Variants in RAD21L1 observed in about 807,000 individuals in gnomAD.
The protein encoded by RAD21L1 is RAD21 cohesin complex component like 1.
In RAD21L1, 47 loss-of-function variants were observed where a neutral mutation model predicts 69.0. That is an observed-to-expected ratio of 0.68 (90% confidence interval 0.54 to 0.87). RAD21L1 has a LOEUF of 0.87. Ranked by LOEUF, RAD21L1 falls within the 40% of genes least tolerant of loss-of-function variation. The pLI is 0.00. For synonymous variants in RAD21L1, 177 were observed against 205.8 expected (o/e 0.86, Z 1.20); for missense variants, 583 against 647.6 (o/e 0.90, Z 1.08).
At chr20:1,240,680 G>A (rs1420050990) in intron 8 of RAD21L1, among the ~76,000 whole-genome samples, 2 of 152,084 alleles carry the variant, frequency 1.3e-5, no homozygotes, top group South Asian at 2.1e-4. Flanking sequence ...AGGTGGGTGG[G>A]GGGAGCTTTC....
chr20:1,237,101 A>G (rs2087510293), intron 5 of RAD21L1, among the ~76,000 whole-genome samples: 1 of 152,266 alleles, frequency 6.6e-6, no homozygotes, highest in Non-Finnish European at 1.5e-5. Flanking sequence ...GGTCTATAGA[A>G]GAATTTTCAA....
chr20:1,231,563 T>G lies in RAD21L1; in HGVS notation c.312T>G (p.Ser104=). ...VDLPKENFEA[S]YNAITLPEEF... is the part of the protein sequence containing the mutation. ...TTCCAAAAGAGAATTTTGAAGCATCTTACAATGCTATCACATTGCCAGAAG... is the reference window on the plus strand; with the variant it reads ...TTCCAAAAGAGAATTTTGAAGCATCGTACAATGCTATCACATTGCCAGAAG... The change falls in exon 4 of 14, where the codon TCT becomes TCG. Residue 104 remains serine, a synonymous_variant. Coordinates refer to ENST00000683101, the MANE Select transcript of RAD21L1 (RefSeq NM_001384355.1). 2 of 1,541,528 alleles carry G rather than the reference T, an allele frequency of 1.3e-6. No homozygotes were observed. The highest frequency in any genetic ancestry group is 1.8e-6 in the Non-Finnish European group (2 of 1,140,136).
intron 13 of RAD21L1, among the ~76,000 whole-genome samples, chr20:1,252,075 T>C (rs1429392338): frequency 6.6e-6 from 1 of 152,194 alleles, no homozygotes; most frequent in Admixed American, 6.5e-5. Flanking sequence ...CTGCTTCCTC[T>C]CACTGTTATC....
intron 2 of RAD21L1, 101 bp from the exon 3 acceptor site, chr20:1,229,779 C>T: frequency 1.1e-6 from 1 of 882,572 alleles, no homozygotes; most frequent in Non-Finnish European, 1.7e-6. Context: ...AAAATATCTG[C>T]TTTTTTAAGA....
rs2087897390 is a variant in RAD21L1, at chr20:1,254,446, T to A, written c.1657T>A (p.Tyr553Asn). The A allele has an allele frequency of 1.3e-6, 2 of 1,527,100 alleles. No individual in the cohort carries two copies. The highest frequency in any genetic ancestry group is 8.8e-7 in the Non-Finnish European group (1 of 1,132,864). 94.6% of individuals were successfully genotyped at this position (1,527,100 alleles called of 1,614,324 possible). ...DIIATMGPMF[Y>N]NI ...TATAGCTACGATGGGACCAATGTTT[T>A]ATAACATATGAAGGAAACCCAGACA... Residue 553 changes from tyrosine (Y) to asparagine (N), a missense_variant, in exon 14 of 14, where the codon TAT (tyrosine) becomes AAT (asparagine). Coordinates refer to ENST00000683101, the MANE Select transcript of RAD21L1 (RefSeq NM_001384355.1).
intron 8 of RAD21L1, among the ~76,000 whole-genome samples, chr20:1,242,364 C>T (rs1280202713): frequency 6.6e-6 from 1 of 152,128 alleles, no homozygotes; most frequent in Non-Finnish European, 1.5e-5. Flanking sequence ...TCCTGAGTAG[C>T]TGGGTCTACA....
rs1413743817 is a variant in RAD21L1, at chr20:1,243,165, A to C, written c.1152A>C (p.Val384=). 1 of 1,536,530 alleles carries C rather than the reference A, an allele frequency of 6.5e-7. No homozygotes were observed. Among genetic ancestry groups the C allele is most frequent in the East Asian group, 2.5e-5 (1 of 40,390 alleles). The change falls in exon 10 of 14, where the codon GTA becomes GTC. Residue 384 remains valine, a synonymous_variant. Coordinates refer to ENST00000683101, the MANE Select transcript of RAD21L1 (RefSeq NM_001384355.1). ...LGRKMIQKES[V]REEVGNQNIV... is the part of the protein sequence containing the mutation. ...GAAAAATGATACAGAAGGAGTCAGT[A>C]AGGGAAGAAGTGGGAAACCAAAATA... is the stretch of plus-strand genomic sequence containing the variant.
intron 4 of RAD21L1, among the ~76,000 whole-genome samples, chr20:1,232,008 G>A (rs983168377): frequency 4.6e-5 from 7 of 152,156 alleles, no homozygotes; most frequent in Non-Finnish European, 1.0e-4. Flanking sequence ...TCACCATTGT[G>A]AAGAGAAACA....
At chr20:1,242,416 A>G (rs1244595629) in intron 8 of RAD21L1, among the ~76,000 whole-genome samples, 1 of 152,090 alleles carries the variant, frequency 6.6e-6, no homozygotes, top group African/African-American at 2.4e-5. Context: ...TATTTTTTGT[A>G]GAGACGGGGT....
intron 13 of RAD21L1, among the ~76,000 whole-genome samples, chr20:1,251,151 C>G (rs138745513): frequency 0.013 from 1,910 of 152,250 alleles, 9 homozygotes; most frequent in Middle Eastern, 0.041. Flanking sequence ...TTACCTTTAA[C>G]GTGATTGATT....
intron 4 of RAD21L1, 23 bp downstream of exon 4, chr20:1,231,642 C>A (rs62186522): frequency 0.035 from 40,692 of 1,161,178 alleles, 1,152 homozygotes; most frequent in South Asian, 0.12. Flanking sequence ...ATTTATTTTC[C>A]TTCGATTTAA....
rs769627701 is a variant in RAD21L1, at chr20:1,231,536, C to G, written c.285C>G (p.Asp95Glu). The G allele has an allele frequency of 6.5e-7, 1 of 1,528,848 alleles. No homozygotes were observed. Among genetic ancestry groups the G allele is most frequent in the African/African-American group, 1.4e-5 (1 of 72,454 alleles). 94.7% of individuals were successfully genotyped at this position (1,528,848 alleles called of 1,614,324 possible). ...TTTGATCCTTTTCAGGACTGGTTGA[C>G]CTTCCAAAAGAGAATTTTGAAGCAT... is the stretch of plus-strand genomic sequence containing the variant. ...MKMTFCPGLV[D>E]LPKENFEASY... Residue 95 changes from aspartate (D) to glutamate (E), a missense_variant, in exon 4 of 14, where the codon GAC becomes GAG. By Grantham distance (45) the Asp-to-Glu change is conservative. Transcript: ENST00000683101.
chr20:1,247,068 A>T (rs528471000), intron 12 of RAD21L1, among the ~76,000 whole-genome samples: 42 of 152,328 alleles, frequency 2.8e-4, no homozygotes, highest in Admixed American at 8.5e-4. Flanking sequence ...CTAGGACAGA[A>T]TAAATTACCT....
At chr20:1,232,029 T>TA (rs2087401253) in intron 4 of RAD21L1, among the ~76,000 whole-genome samples, 1 of 151,910 alleles carries the variant, frequency 6.6e-6, no homozygotes, top group South Asian at 2.1e-4. Context: ...GAAAATGAAA[T>TA]AAATAAACAG....
At chr20:1,252,886 C>T (rs1480783008) in intron 13 of RAD21L1, among the ~76,000 whole-genome samples, 1 of 152,196 alleles carries the variant, frequency 6.6e-6, no homozygotes, top group Non-Finnish European at 1.5e-5. Flanking sequence ...GTCTTTATCT[C>T]CTTCGTCACT....
rs992996772 is a variant in RAD21L1 at position 1,242,832 on chromosome 20, C to T, written c.1070C>T (p.Ala357Val). Reference protein sequence around the residue: ...LSTAAQDLIHAELKMLFTKCF... With the variant: ...LSTAAQDLIHVELKMLFTKCF... ...ACTGCTGCCCAGGATTTGATTCATGCTGAACTGAAAATGGTAACGGTTCCT... is the reference window on the plus strand; with the variant it reads ...ACTGCTGCCCAGGATTTGATTCATGTTGAACTGAAAATGGTAACGGTTCCT... The change falls in exon 9 of 14, where the codon GCT becomes GTT. Residue 357 changes from alanine (A) to valine (V), a missense_variant. Transcript: ENST00000683101. 1 of 1,550,046 alleles carries T rather than the reference C, an allele frequency of 6.5e-7. No homozygotes were observed.
In RAD21L1 at chr20:1,248,711, G is replaced by A. The variant is rs1339244302; in HGVS notation, c.1479+8G>A. ...ATGTTAAATCGTTTACGGGTGAGATGCTAGGGTTTGTCAACCCTGTTTTTA... is the reference window on the plus strand; with the variant it reads ...ATGTTAAATCGTTTACGGGTGAGATACTAGGGTTTGTCAACCCTGTTTTTA... On this transcript the variant is annotated splice_region_variant and intron_variant, in intron 13 of 13. Coordinates refer to ENST00000683101, the MANE Select transcript of RAD21L1 (RefSeq NM_001384355.1). The A allele has an allele frequency of 1.4e-6, 2 of 1,465,478 alleles. No individual in the cohort carries two copies. The highest frequency in any genetic ancestry group is 1.8e-6 in the Non-Finnish European group (2 of 1,081,714). The allele number at this position is 1,465,478 out of a possible 1,614,324, so 90.8% of individuals were successfully genotyped here. A position where few individuals can be genotyped will look rare whatever the true frequency, so the allele number is the denominator to read the frequency against.
chr20:1,236,064 G>C (rs542276940), intron 5 of RAD21L1, among the ~76,000 whole-genome samples: 3 of 152,074 alleles, frequency 2.0e-5, no homozygotes, highest in Non-Finnish European at 4.4e-5. Flanking sequence ...TACCGTGCCC[G>C]GCCAGGATCA....
Position 1,240,335 on chromosome 20 carries a change from TCA to T in RAD21L1, c.758_759del (p.Ser253Ter). The T allele has an allele frequency of 1.9e-6, 3 of 1,538,508 alleles. No individual in the cohort carries two copies. The highest frequency in any genetic ancestry group is 2.6e-6 in the Non-Finnish European group (3 of 1,142,626). On this transcript the variant is annotated frameshift_variant, in exon 8 of 14. Transcript: ENST00000683101. LOFTEE classifies it high-confidence loss of function. The stretch of plus-strand genomic sequence containing the variant: ...ATGTTGATTAGTTGAACCAGATAAC[TCA>T]GAGTGTATATGTGTACCTGAAAATG... ...PNSLAVEPDN[S>X]ECICVPENEK...
Sources: allele counts gnomAD v4.1 joint callset (sites outside exome capture counted in the v4.1 genomes callset), GRCh38; gene constraint gnomAD v4.1.1; transcripts MANE v1.5; gene names NCBI Gene and HGNC (gene_info 2026-07-23, HGNC 2026-07-21).